Variants in NLGN1 observed in about 807,000 individuals in gnomAD.
NLGN1 encodes neuroligin-1.
Under a neutral mutation model 65.5 loss-of-function variants are expected in NLGN1, and 12 were observed. That is an observed-to-expected ratio of 0.18 (90% CI 0.12 to 0.30). The LOEUF is 0.30. Among genes scored for constraint, NLGN1 ranks in the 10% least tolerant of loss-of-function variants. The pLI is 1.00. For missense variants in NLGN1, 750 were observed against 1,007.1 expected (o/e 0.74, Z 3.46); for synonymous variants, 350 against 359.5 (o/e 0.97, Z 0.30).
intron 4 of NLGN1, among the ~76,000 whole-genome samples, chr3:174,161,055 C>T (rs905413483): frequency 6.6e-6 from 1 of 151,780 alleles, no homozygotes; most frequent in African/African-American, 2.4e-5. Context: ...TTTCTATAGT[C>T]ATTTCTGTTT....
intron 4 of NLGN1, among the ~76,000 whole-genome samples, chr3:174,175,022 G>A (rs1276551167): frequency 4.0e-5 from 6 of 151,746 alleles, no homozygotes; most frequent in Admixed American, 6.6e-5. Flanking sequence ...GCTTGATATT[G>A]TTTCAATTTT....
At chr3:174,211,469 T>G (rs900896308) in intron 4 of NLGN1, among the ~76,000 whole-genome samples, 1 of 146,354 alleles carries the variant, frequency 6.8e-6, no homozygotes. Flanking sequence ...GGTTGTTGCA[T>G]TCACAAACCT....
rs1327610699 is a variant in NLGN1 at position 174,066,558 on chromosome 3, C to CTGTGTGTGTG, written c.647-208756_647-208755insGTGTGTGTGT. Among the ~76,000 whole-genome samples the CTGTGTGTGTG allele has an allele frequency of 1.3e-3, 181 of 134,150 alleles. 1 individual carries two copies. Among genetic ancestry groups the CTGTGTGTGTG allele is most frequent in the African/African-American group, 5.4e-3 (175 of 32,322 alleles). The allele number at this position is 134,150 out of a possible 152,430, so 88.0% of individuals were successfully genotyped here. A position where few individuals can be genotyped will look rare whatever the true frequency, so the allele number is the denominator to read the frequency against. On this transcript the variant is annotated intron_variant, in intron 4 of 6. Coordinates refer to ENST00000457714, the Ensembl canonical transcript of NLGN1. ...TCTCTCTCTCTCTCTCTCTCTCTCT[C>CTGTGTGTGTG]TCTCTCTGTGTGTGTGTGTGTGTGT...
In NLGN1 at chr3:173,596,603, TACTC is replaced by T. The variant is rs538550151; in HGVS notation, c.-320-7674_-320-7671del. ...TAGCTCAATGTTTAGCCCCAGTACT[TACTC>T]ATTTGGTGCTTGTTGTTAATCCAGT... On this transcript the variant is annotated intron_variant, in intron 2 of 6. Coordinates refer to ENST00000457714, the Ensembl canonical transcript of NLGN1. 2.3e-3 allele frequency among the ~76,000 whole-genome samples: 350 copies of T among 152,016 alleles called. 1 individual carries two copies. Among genetic ancestry groups the T allele is most frequent in the South Asian group, 8.5e-3 (41 of 4,804 alleles).
At chr3:173,769,813 T>C (rs1235572838) in intron 3 of NLGN1, among the ~76,000 whole-genome samples, 1 of 152,226 alleles carries the variant, frequency 6.6e-6, no homozygotes, top group East Asian at 1.9e-4. Flanking sequence ...TATAATTTAT[T>C]TGAGCTATCT....
Position 173,775,470 on chromosome 3 carries a change from C to CT in NLGN1, c.494-32200dup, listed in dbSNP as rs529036981. 4.9e-4 allele frequency among the ~76,000 whole-genome samples: 72 copies of CT among 148,118 alleles called. 1 individual carries two copies. Among genetic ancestry groups the CT allele is most frequent in the Admixed American group, 1.5e-3 (22 of 14,790 alleles). The stretch of plus-strand genomic sequence containing the variant: ...GGGTAAAGTATTAACCTTTCTGATG[C>CT]TTTTTTTTTTCCCACCATACGATTG... On this transcript the variant is annotated intron_variant, in intron 3 of 6. Coordinates refer to ENST00000457714, the Ensembl canonical transcript of NLGN1.
At chr3:173,998,246 G>A (rs116715941) in intron 4 of NLGN1, among the ~76,000 whole-genome samples, 1,575 of 152,148 alleles carry the variant, frequency 0.01, 22 homozygotes, top group African/African-American at 0.036. Context: ...TTGCTGTTTC[G>A]TTGGCCAGGT....
At chr3:173,873,090 ATTT>A (rs71702635) in intron 4 of NLGN1, among the ~76,000 whole-genome samples, 1 of 141,332 alleles carries the variant, frequency 7.1e-6, no homozygotes. Context: ...TGTATGATGG[ATTT>A]TTTTTTTTTT....
chr3:173,719,798 A>G (rs745986964), intron 3 of NLGN1, among the ~76,000 whole-genome samples: 7 of 152,080 alleles, frequency 4.6e-5, no homozygotes, highest in Non-Finnish European at 7.4e-5. Flanking sequence ...AACTGGCTGT[A>G]GATTTTGAGG....
chr3:173,580,612 TA>T (rs1746246771), intron 2 of NLGN1, among the ~76,000 whole-genome samples: 1 of 152,030 alleles, frequency 6.6e-6, no homozygotes. Flanking sequence ...TCTCTGTCAG[TA>T]AATCACCAGG....
At chr3:173,460,087 A>G (rs573562951) in intron 2 of NLGN1, among the ~76,000 whole-genome samples, 1 of 152,226 alleles carries the variant, frequency 6.6e-6, no homozygotes, top group South Asian at 2.1e-4. Context: ...ACATATTTGG[A>G]GAGCTACTAA....
chr3:174,066,405 A>G (rs910427389), intron 4 of NLGN1, among the ~76,000 whole-genome samples: 1 of 152,056 alleles, frequency 6.6e-6, no homozygotes, highest in Non-Finnish European at 1.5e-5. Flanking sequence ...TAAACTGTCA[A>G]CCTGTTCCAA....
chr3:173,713,098 T>C (rs1232440467), intron 3 of NLGN1, among the ~76,000 whole-genome samples: 1 of 152,172 alleles, frequency 6.6e-6, no homozygotes, highest in East Asian at 1.9e-4. Context: ...GTTGCATTTT[T>C]ATAATTCTGG....
chr3:173,698,308 C>T (rs1243521883), intron 3 of NLGN1, among the ~76,000 whole-genome samples: 1 of 152,160 alleles, frequency 6.6e-6, no homozygotes, highest in Admixed American at 6.6e-5. Context: ...ACTGAATTAT[C>T]AAATCGAAGA....
At chr3:174,035,350 A>G (rs1730904380) in intron 4 of NLGN1, among the ~76,000 whole-genome samples, 1 of 152,188 alleles carries the variant, frequency 6.6e-6, no homozygotes, top group African/African-American at 2.4e-5. Context: ...TTATTGTCAT[A>G]TAAGCCTATT....
At chr3:173,883,317 G>A (rs927723498) in intron 4 of NLGN1, among the ~76,000 whole-genome samples, 2 of 152,130 alleles carry the variant, frequency 1.3e-5, no homozygotes, top group Non-Finnish European at 2.9e-5. Flanking sequence ...CCAGTCGGTG[G>A]AACAGTCAGA....
chr3:174,082,292 T>C (rs1419250197), intron 4 of NLGN1, among the ~76,000 whole-genome samples: 1 of 152,166 alleles, frequency 6.6e-6, no homozygotes, highest in Non-Finnish European at 1.5e-5. Context: ...ACTTTTGATA[T>C]GCCCATCCTA....
intron 4 of NLGN1, among the ~76,000 whole-genome samples, chr3:174,026,040 G>T (rs1728763041): frequency 6.6e-6 from 1 of 152,106 alleles, no homozygotes; most frequent in Non-Finnish European, 1.5e-5. Flanking sequence ...GTTCATTATT[G>T]TGCATTGAAT....
chr3:173,685,402 T>A (rs1418376087), intron 3 of NLGN1, among the ~76,000 whole-genome samples: 1 of 152,146 alleles, frequency 6.6e-6, no homozygotes, highest in Non-Finnish European at 1.5e-5. Context: ...GCTAAACGTG[T>A]TTTAAATGCA....
Sources: allele counts gnomAD v4.1 joint callset (sites outside exome capture counted in the v4.1 genomes callset), GRCh38; gene constraint gnomAD v4.1.1; transcripts MANE v1.5; gene names NCBI Gene and HGNC (gene_info 2026-07-23, HGNC 2026-07-21).